GALNT9: variants seen among roughly 807,000 people sequenced by gnomAD.
GALNT9 encodes the protein GalNAc transferase 9.
Under a neutral mutation model 63.1 loss-of-function variants are expected in GALNT9, and 47 were observed. The observed-to-expected ratio is 0.75, with a 90% confidence interval of 0.59 to 0.95. The LOEUF (loss-of-function observed/expected upper bound fraction) is 0.95, where lower values mean the gene tolerates loss of function less well. GALNT9 is among the 40% of genes least tolerant of loss of function. The pLI, the probability that GALNT9 is intolerant of heterozygous loss-of-function variation, is 0.00. For synonymous variants in GALNT9, 396 were observed against 365.7 expected (o/e 1.08, Z -0.94); for missense variants, 829 against 874.8 (o/e 0.95, Z 0.66).
At chr12:132,293,780 A>C (rs1434804570) in intron 1 of GALNT9, among the ~76,000 whole-genome samples, 4 of 144,890 alleles carry the variant, frequency 2.8e-5, no homozygotes, top group Non-Finnish European at 6.4e-5. Flanking sequence ...AGTCAGGGGC[A>C]GAACGAGAAG....
At chr12:132,288,554 G>T (rs1880689536) in intron 1 of GALNT9, among the ~76,000 whole-genome samples, 1 of 152,288 alleles carries the variant, frequency 6.6e-6, no homozygotes, top group Non-Finnish European at 1.5e-5. Flanking sequence ...TGGGGCTCAG[G>T]CCTCAGGTGG....
intron 6 of GALNT9, among the ~76,000 whole-genome samples, chr12:132,219,819 C>T (rs1462801194): frequency 6.8e-6 from 1 of 146,314 alleles, no homozygotes; most frequent in Non-Finnish European, 1.5e-5. Context: ...TGACACCCGC[C>T]CGGGTAAGGG....
At chr12:132,243,238 C>A (rs1878517757) in intron 6 of GALNT9, among the ~76,000 whole-genome samples, 3 of 143,226 alleles carry the variant, frequency 2.1e-5, no homozygotes, top group South Asian at 2.1e-4. Context: ...ACACGCCACA[C>A]CCCCTTCCCG....
At chr12:132,240,031 G>A (rs1425853904) in intron 6 of GALNT9, among the ~76,000 whole-genome samples, 3 of 152,150 alleles carry the variant, frequency 2.0e-5, no homozygotes, top group African/African-American at 4.8e-5. Flanking sequence ...CAGGCCCGCC[G>A]CTCTAAACAC....
chr12:132,225,952 C>T (rs1334768501), intron 6 of GALNT9, among the ~76,000 whole-genome samples: 1 of 142,328 alleles, frequency 7.0e-6, no homozygotes, highest in Non-Finnish European at 1.5e-5. Context: ...CCATACACCC[C>T]ATATGCACAC....
intron 2 of GALNT9, among the ~76,000 whole-genome samples, chr12:132,271,170 C>T (rs1290359861): frequency 6.6e-6 from 1 of 152,098 alleles, no homozygotes; most frequent in Non-Finnish European, 1.5e-5. Flanking sequence ...TGGGGCCACA[C>T]GTTCTCAGCA....
At chr12:132,320,512 T>C (rs1298886196) in intron 1 of GALNT9, among the ~76,000 whole-genome samples, 1 of 151,578 alleles carries the variant, frequency 6.6e-6, no homozygotes, top group Non-Finnish European at 1.5e-5. Flanking sequence ...AAGTGATGGA[T>C]TGGCACCAAC....
In GALNT9 at chr12:132,312,581, T is replaced by C. The variant is rs552306450; in HGVS notation, c.238+16385A>G. Among the ~76,000 whole-genome samples the C allele has an allele frequency of 2.0e-3, 302 of 152,266 alleles. 2 individuals are homozygous for C. Among genetic ancestry groups the C allele is most frequent in the African/African-American group, 6.9e-3 (285 of 41,558 alleles). ...GGGTCCACTGGGGTCAGCTCTCTGC[T>C]CAAATCCTGACTCTGGAATCTCCTG... On this transcript the variant is annotated intron_variant, in intron 1 of 10. Transcript: ENST00000328957.
intron 7 of GALNT9, among the ~76,000 whole-genome samples, chr12:132,201,992 C>T (rs1876175394): frequency 6.6e-6 from 1 of 152,222 alleles, no homozygotes; most frequent in African/African-American, 2.4e-5. Flanking sequence ...AGGCTCAGGC[C>T]TTGTGGGGAG....
chr12:132,269,456 C>A (rs1555240538), intron 2 of GALNT9, among the ~76,000 whole-genome samples: 1 of 151,970 alleles, frequency 6.6e-6, no homozygotes, highest in African/African-American at 2.4e-5. Flanking sequence ...CCATTTGCGT[C>A]TGGTGCTGCT....
At chr12:132,200,800 A>C in intron 8 of GALNT9, 1 of 358,238 alleles carries the variant, frequency 2.8e-6, no homozygotes, top group Non-Finnish European at 5.2e-6. Flanking sequence ...GTGAACACGC[A>C]TGGATGTGAC....
rs1347014960 is a variant in GALNT9 at position 132,265,242 on chromosome 12, G to T, written c.420-2617C>A. On this transcript the variant is annotated intron_variant, in intron 2 of 10. Coordinates refer to ENST00000328957, the MANE Select transcript of GALNT9 (RefSeq NM_001122636.2). The surrounding 1 kb of genome is among the most constrained non-coding windows in gnomAD (Gnocchi z 5.3). ...TCAGCCCCCAGCCTTGTCCTCCTGC[G>T]CTCCTGCTGGGGATGAGGGAGAGGC... Among the ~76,000 whole-genome samples, 1 of 152,142 alleles carries T rather than the reference G, an allele frequency of 6.6e-6. No individual in the cohort carries two copies. The highest frequency in any genetic ancestry group is 1.5e-5 in the Non-Finnish European group (1 of 68,016).
intron 9 of GALNT9, 70 bp from the exon 10 acceptor site, chr12:132,198,029 G>T (rs1055596817): frequency 2.3e-6 from 3 of 1,320,556 alleles, no homozygotes; most frequent in African/African-American, 1.4e-5. Context: ...CTGACAGGCC[G>T]TGCGAGCTGC....
At position 132,327,587 on chromosome 12, in the gene GALNT9, G is replaced by A. The variant is rs1239062798; in HGVS notation, c.238+1379C>T. Among the ~76,000 whole-genome samples the A allele has an allele frequency of 5.3e-5, 8 of 152,152 alleles. No homozygotes were observed. The highest frequency in any genetic ancestry group is 9.7e-5 in the African/African-American group (4 of 41,420). On this transcript the variant is annotated intron_variant, in intron 1 of 10. Coordinates refer to ENST00000328957, the MANE Select transcript of GALNT9 (RefSeq NM_001122636.2). The surrounding 1 kb of genome is among the most constrained non-coding windows in gnomAD (Gnocchi z 4.3). ...GCTATTGCCGGGCACACCGCCTTCCGGGAGATGAATTGCTCTGCCGGGCGG... is the reference window on the plus strand; with the variant it reads ...GCTATTGCCGGGCACACCGCCTTCCAGGAGATGAATTGCTCTGCCGGGCGG...
intron 10 of GALNT9, 30 bp downstream of exon 10, chr12:132,197,762 C>T (rs1172016306): frequency 1.1e-5 from 10 of 929,774 alleles, no homozygotes; most frequent in Non-Finnish European, 1.5e-5. Flanking sequence ...CCCGCCCCAA[C>T]CCCACGGCCC....
intron 6 of GALNT9, chr12:132,240,754 C>T (rs2136899402): frequency 6.6e-6 from 3 of 455,562 alleles, no homozygotes; most frequent in South Asian, 4.6e-5. Context: ...AACCTGATCA[C>T]CAGCAGAATT....
intron 1 of GALNT9, among the ~76,000 whole-genome samples, chr12:132,288,739 C>T (rs538614355): frequency 6.9e-4 from 104 of 150,554 alleles, no homozygotes; most frequent in Non-Finnish European, 1.3e-3. Context: ...CGATGCCCAG[C>T]ATTGGGGGCA....
rs533014072 is a variant in GALNT9 at position 132,271,056 on chromosome 12, G to A, written c.420-8431C>T. Among the ~76,000 whole-genome samples, 4 of 152,256 alleles carry A rather than the reference G, an allele frequency of 2.6e-5. No homozygotes were observed. The East Asian group carries it at 5.8e-4, about 22-fold the overall frequency. On this transcript the variant is annotated intron_variant, in intron 2 of 10. Coordinates refer to ENST00000328957, the MANE Select transcript of GALNT9 (RefSeq NM_001122636.2). ...GGGGAGAGCAGGTGCCTCAGCTGCC[G>A]CCGTCCGCTGCTTCTCCATGACAGA...
rs1355417504 is a variant in GALNT9, at chr12:132,203,598, G to A, written c.1170C>T (p.Asp390=). The change falls in exon 7 of 11, where the codon GAC becomes GAT. Residue 390 remains aspartate (D), a synonymous_variant. Transcript: ENST00000328957. ...GCAGGGCGTTGCGCTTGGCATAGTA[G>A]TCAATGTCGTTGTTGTAGGGCTTCC... ...RTRKPYNNDI[D]YYAKRNALRA... is the part of the protein sequence containing the mutation. 1 of 1,613,818 alleles carries A rather than the reference G, an allele frequency of 6.2e-7. No individual in the cohort carries two copies. The highest frequency in any genetic ancestry group is 8.5e-7 in the Non-Finnish European group (1 of 1,179,846).
Sources: gnomAD v4.1 joint callset for allele counts (sites outside exome capture counted in the v4.1 genomes callset) on GRCh38, gnomAD v4.1.1 for gene constraint, Gnocchi (gnomAD v3.1) non-coding constraint, MANE v1.5 for transcripts, NCBI Gene and HGNC (gene_info 2026-07-23, HGNC 2026-07-21) for gene names.